The following GALNS variants were observed in gnomAD, a reference collection of about 807,000 sequenced individuals.
The protein encoded by GALNS is N-acetylgalactosamine-6-sulfatase.
Under a neutral mutation model 65.9 loss-of-function variants are expected in GALNS, and 65 were observed. The ratio of observed to expected loss-of-function variants is 0.99; its 90% CI spans 0.81 to 1.21. GALNS has a LOEUF of 1.21. Ranked by LOEUF, GALNS falls within the 50% of genes most tolerant of loss-of-function variation. GALNS has a pLI of 0.00. For missense variants in GALNS, 776 were observed against 700.7 expected, an observed-to-expected ratio of 1.11 and a Z score of -1.21; for synonymous variants, 346 against 288.9, an observed-to-expected ratio of 1.20 and a Z score of -2.00.
intron 1 of GALNS, among the ~76,000 whole-genome samples, chr16:88,847,590 C>T (rs182025275): frequency 1.3e-5 from 2 of 152,334 alleles, no homozygotes; most frequent in African/African-American, 4.8e-5. Context: ...CCAAGACAGG[C>T]TGCATGGGCC....
chr16:88,843,912 T>A (rs927298366), intron 1 of GALNS: 5 of 151,894 alleles, frequency 3.3e-5, no homozygotes, highest in African/African-American at 9.7e-5. Context: ...CCACACAGGC[T>A]GTGATTTGCT....
At chr16:88,836,742 G>C (rs1043714631) in intron 5 of GALNS, among the ~76,000 whole-genome samples, 1 of 152,230 alleles carries the variant, frequency 6.6e-6, no homozygotes, top group Non-Finnish European at 1.5e-5. Context: ...CCCAGGGCAC[G>C]GTCTTGCATC....
At chr16:88,855,367 T>C (rs1302853955) in intron 1 of GALNS, 2 of 702,288 alleles carry the variant, frequency 2.8e-6, no homozygotes, top group South Asian at 3.0e-5. Flanking sequence ...ACAAAGTATC[T>C]ACACTGGCCC....
Position 88,814,460 on chromosome 16 carries a change from C to G in GALNS, c.1548G>C (p.Lys516Asn), listed in dbSNP as rs1014226447. 3 of 1,562,960 alleles carry G rather than the reference C, an allele frequency of 1.9e-6. No homozygotes were observed. The highest frequency in any genetic ancestry group is 1.7e-6 in the Non-Finnish European group (2 of 1,153,112). The change falls in exon 14 of 14, where the codon AAG becomes AAC. Residue 516 changes from lysine to asparagine, a missense_variant. Lys to Asn is a moderately conservative substitution (Grantham distance 94, BLOSUM62 0). Coordinates refer to ENST00000268695, the MANE Select transcript of GALNS (RefSeq NM_000512.5). ...KCLTPPESIP[K>N]KCLWSH is the part of the protein sequence containing the mutation. ...GGTGCTAGTGGGACCAGAGGCACTT[C>G]TTGGGAATGGATTCTGGAGGTGTCA...
chr16:88,842,281 A>G, intron 2 of GALNS: 1 of 537,096 alleles, frequency 1.9e-6, no homozygotes, highest in South Asian at 2.0e-5. Flanking sequence ...ATCCTCGAGC[A>G]CCAGCCCCGT....
chr16:88,838,371 G>A (rs906262127), intron 4 of GALNS, among the ~76,000 whole-genome samples: 1 of 152,118 alleles, frequency 6.6e-6, no homozygotes, highest in Non-Finnish European at 1.5e-5. Context: ...GCAGGGATTA[G>A]AGTGACGACA....
intron 8 of GALNS, among the ~76,000 whole-genome samples, chr16:88,832,361 C>T (rs767656792): frequency 6.6e-6 from 1 of 152,218 alleles, no homozygotes; most frequent in African/African-American, 2.4e-5. Flanking sequence ...GTCAGCAAGA[C>T]TCAGAGAGGT....
In GALNS at chr16:88,815,237, C is replaced by T. The variant is rs116070499; in HGVS notation, c.1483-712G>A. 4.0e-3 allele frequency: 3,898 copies of T among 985,418 alleles called. 111 individuals are homozygous for T. The African/African-American group carries it at 0.064, about 16-fold the overall frequency. The allele number at this position is 985,418 out of a possible 1,614,324, so 61.0% of individuals were successfully genotyped here. A position where few individuals can be genotyped will look rare whatever the true frequency, so the allele number is the denominator to read the frequency against. On this transcript the variant is annotated intron_variant, in intron 13 of 13. Transcript: ENST00000268695. ...GAAATGAGAACTTGGTGGGGAGGTC[C>T]CGGGTATGGGGGATGCAGCTGCCAA...
At chr16:88,837,249 C>T (rs941001535) in intron 5 of GALNS, among the ~76,000 whole-genome samples, 1 of 152,160 alleles carries the variant, frequency 6.6e-6, no homozygotes, top group African/African-American at 2.4e-5. Context: ...TTCATCCCAC[C>T]TCCTGTCCTG....
intron 11 of GALNS, among the ~76,000 whole-genome samples, chr16:88,823,700 G>A (rs1316812035): frequency 1.6e-5 from 2 of 124,600 alleles, no homozygotes; most frequent in African/African-American, 6.5e-5. Flanking sequence ...CGGCAATGCC[G>A]GGGACCGATG....
intron 9 of GALNS, among the ~76,000 whole-genome samples, chr16:88,830,949 C>T (rs996362433): frequency 1.3e-5 from 2 of 152,220 alleles, no homozygotes; most frequent in Non-Finnish European, 2.9e-5. Context: ...TAAGCCCCTT[C>T]TAGAAGCTCA....
At chr16:88,842,969 G>C (rs541087449) in intron 1 of GALNS, 140 bp from the exon 2 acceptor site, 2 of 1,528,362 alleles carry the variant, frequency 1.3e-6, no homozygotes, top group East Asian at 4.9e-5. Context: ...GGCAGAGCTC[G>C]GCCAAACCCC....
Position 88,856,779 on chromosome 16 carries a change from G to A in GALNS, c.99C>T (p.Ile33=). 6.5e-7 allele frequency: 1 copy of A among 1,543,990 alleles called. No individual in the cohort carries two copies. The highest frequency in any genetic ancestry group is 2.5e-5 in the East Asian group (1 of 40,422). ...GASGAPQPPN[I]LLLLMDDMGW... ...TCACGTCGTCCATGAGCAGGAGCAG[G>A]ATGTTGGGGGGCTGCGGGGCGCCCG... Residue 33 remains isoleucine (I), a synonymous_variant, in exon 1 of 14, where the codon ATC becomes ATT. Coordinates refer to ENST00000268695, the MANE Select transcript of GALNS (RefSeq NM_000512.5).
At chr16:88,828,526 C>T (rs1010817522) in intron 9 of GALNS, among the ~76,000 whole-genome samples, 2 of 152,228 alleles carry the variant, frequency 1.3e-5, no homozygotes, top group Non-Finnish European at 2.9e-5. Flanking sequence ...ACTGAAACCC[C>T]GTCGTGGTGT....
At chr16:88,825,295 G>A (rs1426319154) in intron 10 of GALNS, among the ~76,000 whole-genome samples, 1 of 134,768 alleles carries the variant, frequency 7.4e-6, no homozygotes, top group Non-Finnish European at 1.5e-5. Flanking sequence ...GGGCTGGGGT[G>A]CCTGGGTGGC....
At chr16:88,832,241 G>C (rs1911584874) in intron 8 of GALNS, 140 bp from the exon 9 acceptor site, 2 of 786,640 alleles carry the variant, frequency 2.5e-6, no homozygotes, top group East Asian at 5.4e-5. Flanking sequence ...CATGATCCGA[G>C]CCTCGGGGTG....
chr16:88,847,927 C>T (rs1372269331), intron 1 of GALNS, among the ~76,000 whole-genome samples: 1 of 152,240 alleles, frequency 6.6e-6, no homozygotes, highest in Non-Finnish European at 1.5e-5. Context: ...TCCCTGGCAG[C>T]CAAGCTGGAA....
At chr16:88,836,482 T>C (rs1203380855) in intron 5 of GALNS, among the ~76,000 whole-genome samples, 3 of 152,102 alleles carry the variant, frequency 2.0e-5, no homozygotes, top group Non-Finnish European at 2.9e-5. Flanking sequence ...GGTGAAACTC[T>C]GTCTCTACTA....
intron 12 of GALNS, among the ~76,000 whole-genome samples, chr16:88,821,945 A>AG (rs1013975993): frequency 2.6e-5 from 4 of 151,988 alleles, no homozygotes; most frequent in African/African-American, 4.8e-5. Flanking sequence ...TGCTGGGGTG[A>AG]GGGGGGGAAG....
Sources: allele counts gnomAD v4.1 joint callset (sites outside exome capture counted in the v4.1 genomes callset), GRCh38; gene constraint gnomAD v4.1.1; transcripts MANE v1.5; gene names NCBI Gene and HGNC (gene_info 2026-07-23, HGNC 2026-07-21).